WDR55: variants seen among roughly 807,000 people sequenced by gnomAD.
WDR55 encodes the protein WD repeat-containing protein 55.
WDR55 carries 31 observed loss-of-function variants against 34.0 expected under a neutral mutation model. The ratio of observed to expected loss-of-function variants is 0.91; its 90% CI spans 0.69 to 1.23. The LOEUF is 1.23. WDR55 is among the 50% of genes most tolerant of loss of function. The probability of loss-of-function intolerance (pLI) is 0.00; values close to 1 mark genes in which losing one functional copy is unlikely to be tolerated. For missense variants in WDR55, 440 were observed against 494.6 expected (o/e 0.89, Z 1.05); for synonymous variants, 164 against 185.9 (o/e 0.88, Z 0.96).
chr5:140,666,980 C>T (rs1472154863), intron 1 of WDR55: 1 of 985,372 alleles, frequency 1.0e-6, no homozygotes, highest in East Asian at 1.1e-4. Context: ...GAATTTAAAC[C>T]TCAACCCCTC....
chr5:140,671,080 A>G lies in WDR55; in HGVS notation c.*1426A>G, dbSNP rs1758060355. On this transcript the variant is annotated 3_prime_UTR_variant, in exon 7 of 7. Transcript: ENST00000358337. ...GGGTCAGGTTGGACCCTGGGCTGGG[A>G]GCGGGAGGGCAAGGCCCCTCACCAC... 3.1e-6 allele frequency: 2 copies of G among 638,080 alleles called. No homozygotes were observed. The highest frequency in any genetic ancestry group is 5.6e-6 in the Non-Finnish European group (2 of 360,236). The allele number at this position is 638,080 out of a possible 1,614,324, so 39.5% of individuals were successfully genotyped here. A position where few individuals can be genotyped will look rare whatever the true frequency, so the allele number is the denominator to read the frequency against.
Position 140,668,986 on chromosome 5 carries a change from T to G in WDR55, c.656T>G (p.Met219Arg), listed in dbSNP as rs777431274. Residue 219 changes from methionine to arginine, a missense_variant, in exon 5 of 7, where the codon ATG (methionine) becomes AGG (arginine). By Grantham distance (91) the Met-to-Arg change is moderately conservative. Coordinates refer to ENST00000358337, the MANE Select transcript of WDR55 (RefSeq NM_017706.5). The stretch of plus-strand genomic sequence containing the variant: ...GGGGACCTGACCTCTGTCACTCTCA[T>G]GAAAGTACAGCTGGTTATGGTGGGA... ...QSGDLTSVTL[M>R]KWGKKVACGS... The G allele has an allele frequency of 1.9e-6, 3 of 1,614,198 alleles. No homozygotes were observed. In the South Asian group the frequency reaches 3.3e-5, roughly 18 times the overall value.
At position 140,671,655 on chromosome 5, in the gene WDR55, G is replaced by A. The variant is rs747080694; in HGVS notation, c.*2001G>A. Reference sequence around the variant, plus strand: ...TGGCTGCCCTCTGGCTGTGGGGACCGCAAGAAGGGACCCACAAGCTGCTGG... The same window carrying A: ...TGGCTGCCCTCTGGCTGTGGGGACCACAAGAAGGGACCCACAAGCTGCTGG... On this transcript the variant is annotated 3_prime_UTR_variant, in exon 7 of 7. Coordinates refer to ENST00000358337, the MANE Select transcript of WDR55 (RefSeq NM_017706.5). The A allele has an allele frequency of 1.6e-5, 26 of 1,580,638 alleles. No homozygotes were observed. The East Asian group carries it at 2.8e-4, about 17-fold the overall frequency.
chr5:140,665,535 A>G (rs1390295092), intron 1 of WDR55, among the ~76,000 whole-genome samples: 1 of 151,624 alleles, frequency 6.6e-6, no homozygotes, highest in East Asian at 2.0e-4. Context: ...TTTTTTTTGT[A>G]TTTGTAGTAG....
chr5:140,666,859 C>T, intron 1 of WDR55: 1 of 984,588 alleles, frequency 1.0e-6, no homozygotes. Context: ...TATTTTATCT[C>T]CAACCTCTAG....
chr5:140,671,192 C>T lies in WDR55; in HGVS notation c.*1538C>T, dbSNP rs1758063384. On this transcript the variant is annotated 3_prime_UTR_variant, in exon 7 of 7. Coordinates refer to ENST00000358337, the MANE Select transcript of WDR55 (RefSeq NM_017706.5). The stretch of plus-strand genomic sequence containing the variant: ...GATGGGCCTGGGCCCATGCCCCTCC[C>T]CACCTTTGGGGGTCAGAAAGTGGCC... 20 of 1,495,566 alleles carry T rather than the reference C, an allele frequency of 1.3e-5. No homozygotes were observed. The South Asian group carries it at 2.1e-4, about 15-fold the overall frequency. The allele number at this position is 1,495,566 out of a possible 1,614,324, so 92.6% of individuals were successfully genotyped here.
chr5:140,671,812 G>A lies in WDR55; in HGVS notation c.*2158G>A. On this transcript the variant is annotated 3_prime_UTR_variant, in exon 7 of 7. Coordinates refer to ENST00000358337, the MANE Select transcript of WDR55 (RefSeq NM_017706.5). ...CCCTGGGCCCAAGCCTCCAGGTGGTGAGCCCTTTGGAGCTACACAGTCCTG... is the reference window on the plus strand; with the variant it reads ...CCCTGGGCCCAAGCCTCCAGGTGGTAAGCCCTTTGGAGCTACACAGTCCTG... 6.7e-7 allele frequency: 1 copy of A among 1,500,096 alleles called. No homozygotes were observed. 92.9% of individuals were successfully genotyped at this position (1,500,096 alleles called of 1,614,324 possible). A position where few individuals can be genotyped will look rare whatever the true frequency, so the allele number is the denominator to read the frequency against.
rs1273739357 is a variant in WDR55 at position 140,668,169 on chromosome 5, G to GT, written c.192-64dup. ...GTGGGAAGGCTGCTCTGTCTAGTTG[G>GT]TCTCTGCACTCAATGCAACCCAGGC... On this transcript the variant is annotated intron_variant, in intron 1 of 6. Coordinates refer to ENST00000358337, the MANE Select transcript of WDR55 (RefSeq NM_017706.5). The GT allele has an allele frequency of 2.6e-6, 4 of 1,510,358 alleles. No homozygotes were observed. In the African/African-American group the frequency reaches 5.6e-5, roughly 21 times the overall value. The allele number at this position is 1,510,358 out of a possible 1,614,324, so 93.6% of individuals were successfully genotyped here. A position where few individuals can be genotyped will look rare whatever the true frequency, so the allele number is the denominator to read the frequency against.
chr5:140,668,378 A>T, intron 2 of WDR55, 37 bp from the exon 3 acceptor site: 1 of 1,614,218 alleles, frequency 6.2e-7, no homozygotes, highest in Non-Finnish European at 8.5e-7. Flanking sequence ...GGAAGGGAGC[A>T]GTGAGCAGCA....
At position 140,669,703 on chromosome 5, in the gene WDR55, C is replaced by G; in HGVS notation, c.*49C>G. 1 of 1,523,716 alleles carries G rather than the reference C, an allele frequency of 6.6e-7. No individual in the cohort carries two copies. The allele number at this position is 1,523,716 out of a possible 1,614,324, so 94.4% of individuals were successfully genotyped here. A position where few individuals can be genotyped will look rare whatever the true frequency, so the allele number is the denominator to read the frequency against. On this transcript the variant is annotated 3_prime_UTR_variant, in exon 7 of 7. Transcript: ENST00000358337. ...GGGTCCTCACCAGGCAAGAGTCTTG[C>G]TTATTGGGCTGCATCCCCAGAGAGG...
chr5:140,668,202 G>C, intron 1 of WDR55, 32 bp from the exon 2 acceptor site: 1 of 1,562,496 alleles, frequency 6.4e-7, no homozygotes, highest in Non-Finnish European at 8.7e-7. Context: ...GGCTGGGTCT[G>C]GAGTCATTTA....
At chr5:140,665,173 A>G in intron 1 of WDR55, 70 bp downstream of exon 1, 10 of 1,451,676 alleles carry the variant, frequency 6.9e-6, no homozygotes, top group Non-Finnish European at 9.2e-6. Flanking sequence ...AACAGGAGAG[A>G]TGAGAGAAAG....
chr5:140,666,367 G>C (rs1253244639), intron 1 of WDR55, among the ~76,000 whole-genome samples: 2 of 152,196 alleles, frequency 1.3e-5, no homozygotes, highest in Non-Finnish European at 2.9e-5. Context: ...TTGCACTCCA[G>C]CCTGGGCAAC....
At chr5:140,666,119 G>A (rs1201150091) in intron 1 of WDR55, among the ~76,000 whole-genome samples, 3 of 151,698 alleles carry the variant, frequency 2.0e-5, no homozygotes, top group Non-Finnish European at 4.4e-5. Flanking sequence ...GTCTTGGGCC[G>A]GGCGTGGTGG....
At chr5:140,666,889 A>C in intron 1 of WDR55, 1 of 985,340 alleles carries the variant, frequency 1.0e-6, no homozygotes, top group Non-Finnish European at 1.2e-6. Context: ...GATGCTCAAC[A>C]CATGTTTGAT....
intron 4 of WDR55, 38 bp downstream of exon 4, chr5:140,668,829 C>T (rs1214619740): frequency 6.2e-7 from 1 of 1,613,456 alleles, no homozygotes; most frequent in East Asian, 2.2e-5. Context: ...CCTCCCCTCC[C>T]TGTGTGAAAT....
At chr5:140,667,257 C>T (rs752595289) in intron 1 of WDR55, 7 of 511,850 alleles carry the variant, frequency 1.4e-5, no homozygotes, top group African/African-American at 2.1e-5. Flanking sequence ...CTTGGTTCTC[C>T]CCTTCCCCAC....
intron 1 of WDR55, 44 bp downstream of exon 1, chr5:140,665,147 CG>C: frequency 6.6e-7 from 1 of 1,522,558 alleles, no homozygotes; most frequent in Non-Finnish European, 8.8e-7. Flanking sequence ...GGAAGCTTCC[CG>C]GGGGTGGACC....
chr5:140,668,864 C>T (rs764351832), intron 4 of WDR55, 27 bp from the exon 5 acceptor site: 1 of 1,614,202 alleles, frequency 6.2e-7, no homozygotes, highest in South Asian at 1.1e-5. Flanking sequence ...GACCTTGCGT[C>T]TAAGCCTACT....
Sources: gnomAD v4.1 joint callset for allele counts (sites outside exome capture counted in the v4.1 genomes callset) on GRCh38, gnomAD v4.1.1 for gene constraint, MANE v1.5 for transcripts, NCBI Gene and HGNC (gene_info 2026-07-23, HGNC 2026-07-21) for gene names.